KDM2B: variants seen among roughly 807,000 people sequenced by gnomAD.
KDM2B encodes the protein lysine demethylase 2B, also known as lysine-specific demethylase 2B.
In KDM2B, 26 loss-of-function variants were observed where a neutral mutation model predicts 150.0. The ratio of observed to expected loss-of-function variants is 0.17; its 90% confidence interval spans 0.13 to 0.24. KDM2B has a LOEUF of 0.24. Ranked by LOEUF, KDM2B falls within the 10% of genes least tolerant of loss-of-function variation. The pLI, the probability that KDM2B is intolerant of heterozygous loss-of-function variation, is 1.00. For missense variants in KDM2B, 1,265 were observed against 1,816.9 expected (o/e 0.70, Z 5.52); for synonymous variants, 734 against 729.5 (o/e 1.01, Z -0.10).
intron 11 of KDM2B, among the ~76,000 whole-genome samples, chr12:121,500,377 C>T (rs1377935457): frequency 1.3e-5 from 2 of 152,146 alleles, no homozygotes; most frequent in African/African-American, 4.8e-5. Context: ...ACCGTGGGAC[C>T]CTTTCTGCGG....
downstream of KDM2B, chr12:121,424,436 AG>A: frequency 6.6e-6 from 1 of 152,446 alleles, no homozygotes; most frequent in Admixed American, 6.5e-5. Context: ...GCACCTTCAA[AG>A]ATGTCACATG....
chr12:121,410,063 A>T, the KDM2B span, among the ~76,000 whole-genome samples: 1 of 151,952 alleles, frequency 6.6e-6, no homozygotes, highest in Admixed American at 6.6e-5. Context: ...CTGAGGCAGC[A>T]GAATCGGTTG....
intron 12 of KDM2B, among the ~76,000 whole-genome samples, chr12:121,461,775 C>CATA (rs1167850338): frequency 2.0e-5 from 3 of 152,104 alleles, no homozygotes; most frequent in African/African-American, 7.2e-5. Context: ...ACCGACACTG[C>CATA]ATAGGTGCTC....
intron 12 of KDM2B, among the ~76,000 whole-genome samples, chr12:121,466,980 C>T (rs1209915269): frequency 6.7e-6 from 1 of 148,456 alleles, no homozygotes; most frequent in Non-Finnish European, 1.5e-5. Flanking sequence ...GGCTGCGGGC[C>T]TGCCGCGCTC....
intron 13 of KDM2B, among the ~76,000 whole-genome samples, chr12:121,450,750 C>T (rs1248018780): frequency 1.3e-5 from 2 of 151,980 alleles, no homozygotes; most frequent in Non-Finnish European, 2.9e-5. Flanking sequence ...GTCCCAGCTA[C>T]TCTGGAGGCT....
chr12:121,467,029 C>G lies in KDM2B; in HGVS notation c.1735-13685G>C, dbSNP rs1262360233. ...TCGGGCCCGGCCCCGGCCGCCCCGC[C>G]GGCAGCGGCAGCAAAACTTTCTCCT... On this transcript the variant is annotated intron_variant, in intron 12 of 22. Transcript: ENST00000377071. This position sits in a 1 kb window ranked among gnomAD's most constrained non-coding sequence, Gnocchi z 5.1. The G allele has an allele frequency of 2.4e-5, 9 of 374,294 alleles. No individual in the cohort carries two copies. Among genetic ancestry groups the G allele is most frequent in the South Asian group, 6.5e-5 (1 of 15,414 alleles). 23.2% of individuals were successfully genotyped at this position (374,294 alleles called of 1,614,324 possible). A position where few individuals can be genotyped will look rare whatever the true frequency, so the allele number is the denominator to read the frequency against.
the KDM2B span, among the ~76,000 whole-genome samples, chr12:121,409,190 G>T: frequency 1.3e-5 from 2 of 152,252 alleles, no homozygotes; most frequent in Non-Finnish European, 2.9e-5. Flanking sequence ...ATGTTGGCCA[G>T]GCTGGTCTCA....
chr12:121,541,327 C>T (rs1488484278), intron 6 of KDM2B, among the ~76,000 whole-genome samples: 4 of 143,792 alleles, frequency 2.8e-5, no homozygotes, highest in African/African-American at 1.1e-4. Flanking sequence ...GCCCAGGACT[C>T]TGAGGCTGCA....
intron 8 of KDM2B, among the ~76,000 whole-genome samples, chr12:121,529,285 T>C (rs1555307429): frequency 7.2e-5 from 11 of 152,224 alleles, no homozygotes. Context: ...CCAGCATCCC[T>C]TTATGATGAA....
At position 121,521,513 on chromosome 12, in the gene KDM2B, C is replaced by G. The variant is rs1164692551; in HGVS notation, c.932-413G>C. Among the ~76,000 whole-genome samples, 1 of 152,178 alleles carries G rather than the reference C, an allele frequency of 6.6e-6. No homozygotes were observed. The highest frequency in any genetic ancestry group is 1.5e-5 in the Non-Finnish European group (1 of 68,032). ...GTGTCCAGAGTCTTTCCTCACCATCCCAGAGGGGTCACAAAGGATGGCTGG... is the reference window on the plus strand; with the variant it reads ...GTGTCCAGAGTCTTTCCTCACCATCGCAGAGGGGTCACAAAGGATGGCTGG... On this transcript the variant is annotated intron_variant, in intron 8 of 22. Transcript: ENST00000377071. This position sits in a 1 kb window ranked among gnomAD's most constrained non-coding sequence, Gnocchi z 4.9.
chr12:121,509,885 G>A lies in KDM2B; in HGVS notation c.1329C>T (p.Ser443=), dbSNP rs1555303635. 1.2e-6 allele frequency: 2 copies of A among 1,613,836 alleles called. No individual in the cohort carries two copies. The highest frequency in any genetic ancestry group is 1.7e-6 in the Non-Finnish European group (2 of 1,179,988). Residue 443 remains serine, a synonymous_variant, in exon 11 of 23, where the codon TCC becomes TCT. Coordinates refer to ENST00000377071, the MANE Select transcript of KDM2B (RefSeq NM_032590.5). ...DRAPKPPTDG[S]TSPTSTPSED... ...CAGAGGGCGTGCTGGTGGGTGAAGT[G>A]GAGCCATCGGTGGGCGGTTTGGGTG...
intron 8 of KDM2B, chr12:121,524,642 T>C (rs1886977446): frequency 4.5e-6 from 2 of 444,338 alleles, no homozygotes; most frequent in South Asian, 3.2e-5. Flanking sequence ...GAAGGAGGTG[T>C]GGAAATAACA....
At chr12:121,526,480 G>A (rs1555306803) in intron 8 of KDM2B, among the ~76,000 whole-genome samples, 1 of 152,166 alleles carries the variant, frequency 6.6e-6, no homozygotes, top group African/African-American at 2.4e-5. Flanking sequence ...GGTATATTTA[G>A]GAATATGTGT....
chr12:121,475,868 CAA>C (rs1881305161), intron 12 of KDM2B, among the ~76,000 whole-genome samples: 2 of 151,472 alleles, frequency 1.3e-5, no homozygotes, highest in Non-Finnish European at 2.9e-5. Flanking sequence ...TATCATCACT[CAA>C]GAGAGATTTT....
chr12:121,528,157 C>A (rs1237532336), intron 8 of KDM2B, among the ~76,000 whole-genome samples: 8 of 152,232 alleles, frequency 5.3e-5, no homozygotes, highest in Non-Finnish European at 2.9e-5. Context: ...AGCTCAAACC[C>A]CTTTCTCCAG....
upstream of KDM2B, chr12:121,581,180 A>G (rs1245959347): frequency 5.1e-6 from 2 of 389,412 alleles, no homozygotes; most frequent in East Asian, 9.3e-5. Flanking sequence ...GCGCTCGGCA[A>G]GGGGAGCAGA....
At chr12:121,493,267 C>T (rs1883560071) in intron 12 of KDM2B, among the ~76,000 whole-genome samples, 1 of 151,698 alleles carries the variant, frequency 6.6e-6, no homozygotes, top group Non-Finnish European at 1.5e-5. Context: ...AACAAAATAC[C>T]TCTTGGGGCT....
rs559720706 is a variant in KDM2B at position 121,518,691 on chromosome 12, G to A, written c.1047+2294C>T. Among the ~76,000 whole-genome samples the A allele has an allele frequency of 4.6e-5, 7 of 152,328 alleles. No individual in the cohort carries two copies. In the South Asian group the frequency reaches 6.2e-4, roughly 14 times the overall value. ...CTGAGTTTACAATTGAATTCCCAGGGGGACGGGGTGGTTGTCCAGCAAGTA... is the reference window on the plus strand; with the variant it reads ...CTGAGTTTACAATTGAATTCCCAGGAGGACGGGGTGGTTGTCCAGCAAGTA... On this transcript the variant is annotated intron_variant, in intron 9 of 22. Transcript: ENST00000377071. The surrounding 1 kb of genome is among the most constrained non-coding windows in gnomAD (Gnocchi z 4.4).
intron 8 of KDM2B, among the ~76,000 whole-genome samples, chr12:121,529,928 CAAA>C (rs782115700): frequency 9.2e-5 from 9 of 97,938 alleles, no homozygotes; most frequent in Admixed American, 1.1e-4. Context: ...GACTCTGTCT[CAAA>C]AAAAAAAAAA....
Sources: gnomAD v4.1 joint callset for allele counts (sites outside exome capture counted in the v4.1 genomes callset) on GRCh38, gnomAD v4.1.1 for gene constraint, Gnocchi (gnomAD v3.1) non-coding constraint, MANE v1.5 for transcripts, NCBI Gene and HGNC (gene_info 2026-07-23, HGNC 2026-07-21) for gene names.